The following TNPO3 variants were observed in gnomAD, a reference collection of about 807,000 sequenced individuals.
TNPO3 encodes transportin-3.
A neutral mutation model predicts 122.8 loss-of-function variants in TNPO3; 65 were observed. That is an observed-to-expected ratio of 0.53 (90% CI 0.43 to 0.65). The LOEUF is 0.65. TNPO3 is among the 30% of genes least tolerant of loss of function. TNPO3 has a pLI of 0.00. For synonymous variants in TNPO3, 372 were observed against 411.2 expected, an observed-to-expected ratio of 0.90 and a Z score of 1.15; for missense variants, 850 against 1,136.7, an observed-to-expected ratio of 0.75 and a Z score of 3.63.
intron 2 of TNPO3, among the ~76,000 whole-genome samples, chr7:129,017,397 C>CA (rs1158220139): frequency 6.6e-6 from 1 of 152,124 alleles, no homozygotes; most frequent in Non-Finnish European, 1.5e-5. Context: ...TATACTATGC[C>CA]AAAGGTCAAA....
Position 128,970,280 on chromosome 7 carries a change from A to G in TNPO3, c.2466T>C (p.Ile822=). ...GTCCAAGCTGGTTCATCACCTGTCC[A>G]ATCAGTTCTTTCCGTAATTCAAAGT... ...EEDFELRKEL[I]GQVMNQLGQQ... is the part of the protein sequence containing the mutation. Residue 822 remains isoleucine, a synonymous_variant, in exon 20 of 23, where the codon ATT becomes ATC. Transcript: ENST00000265388. The G allele has an allele frequency of 6.2e-7, 1 of 1,610,404 alleles. No homozygotes were observed. Among genetic ancestry groups the G allele is most frequent in the Non-Finnish European group, 8.5e-7 (1 of 1,178,238 alleles).
intron 1 of TNPO3, 79 bp downstream of exon 1, chr7:129,054,572 G>A: frequency 6.3e-7 from 1 of 1,585,268 alleles, no homozygotes; most frequent in South Asian, 1.1e-5. Flanking sequence ...TCAACTGCCG[G>A]GCTCAGGTTC....
chr7:129,025,535 A>G (rs1446189727), intron 1 of TNPO3, among the ~76,000 whole-genome samples: 1 of 152,148 alleles, frequency 6.6e-6, no homozygotes, highest in African/African-American at 2.4e-5. Flanking sequence ...AAATGGTACA[A>G]GAAAAGCTTC....
chr7:128,966,206 T>C (rs1276942041), intron 21 of TNPO3, among the ~76,000 whole-genome samples: 1 of 152,244 alleles, frequency 6.6e-6, no homozygotes, highest in African/African-American at 2.4e-5. Context: ...CACATATTTC[T>C]TCTTCCTTGT....
intron 5 of TNPO3, among the ~76,000 whole-genome samples, chr7:129,001,898 T>C (rs1801991055): frequency 6.6e-6 from 1 of 152,180 alleles, no homozygotes; most frequent in Non-Finnish European, 1.5e-5. Context: ...ATCTTTTCCA[T>C]CCTTTTTCTG....
At chr7:128,955,512 A>G in intron 22 of TNPO3, 127 bp from the exon 23 acceptor site, 1 of 346,358 alleles carries the variant, frequency 2.9e-6, no homozygotes, top group Non-Finnish European at 5.6e-6. Context: ...ATAAGAACTC[A>G]GAAAAAATAA....
Position 128,986,828 on chromosome 7 carries a change from G to A in TNPO3, c.1591C>T (p.Arg531Ter), listed in dbSNP as rs1376084300. 1.2e-6 allele frequency: 2 copies of A among 1,614,060 alleles called. No homozygotes were observed. The highest frequency in any genetic ancestry group is 8.5e-7 in the Non-Finnish European group (1 of 1,179,990). Residue 531 changes from arginine to a stop codon, truncating the protein, a stop_gained, in exon 12 of 23, where the codon CGA (arginine) becomes TGA (stop). Transcript: ENST00000265388. LOFTEE classifies it high-confidence loss of function. The part of the protein sequence containing the change: ...KAIHNICSVC[R>*]DHMAQHFNGL... ...TTAAAGTGCTGAGCCATGTGATCTC[G>A]GCAGACAGAGCAAATGTTATGAATG...
rs538846285 is a variant in TNPO3, at chr7:128,969,348, T to C, written c.2598+800A>G. ...ATCAGGTTGAAATGGAACATGTGTA[T>C]TGAACCAGAGAGGAATAGGTACTAT... is the stretch of plus-strand genomic sequence containing the variant. On this transcript the variant is annotated intron_variant, in intron 20 of 22. Transcript: ENST00000265388. Among the ~76,000 whole-genome samples, 7 of 152,322 alleles carry C rather than the reference T, an allele frequency of 4.6e-5. No individual in the cohort carries two copies. The South Asian group carries it at 1.4e-3, about 32-fold the overall frequency.
In TNPO3 at chr7:129,014,571, T is replaced by C. The variant is rs538645140; in HGVS notation, c.552+408A>G. Among the ~76,000 whole-genome samples, 9 of 151,934 alleles carry C rather than the reference T, an allele frequency of 5.9e-5. No homozygotes were observed. The South Asian group carries it at 1.7e-3, about 28-fold the overall frequency. ...CATAAATATGTACAACTATCATGTA[T>C]CAATTAGAAAAAAAAAGAAAGGATC... is the stretch of plus-strand genomic sequence containing the variant. On this transcript the variant is annotated intron_variant, in intron 4 of 22. Coordinates refer to ENST00000265388, the MANE Select transcript of TNPO3 (RefSeq NM_012470.4).
intron 2 of TNPO3, 61 bp downstream of exon 2, chr7:129,017,896 A>C (rs1041665010): frequency 1.9e-5 from 30 of 1,542,228 alleles, no homozygotes; most frequent in Non-Finnish European, 2.7e-5. Flanking sequence ...TACGAATTAA[A>C]ACAATCCTGA....
intron 1 of TNPO3, among the ~76,000 whole-genome samples, chr7:129,040,507 G>A (rs1019643105): frequency 3.3e-5 from 5 of 152,136 alleles, no homozygotes; most frequent in African/African-American, 4.8e-5. Context: ...ACTATGCCTT[G>A]ATGTTATTTG....
chr7:129,026,069 T>G (rs1420899714), intron 1 of TNPO3, among the ~76,000 whole-genome samples: 1 of 143,974 alleles, frequency 6.9e-6, no homozygotes, highest in African/African-American at 2.6e-5. Flanking sequence ...AAGGTTGCAG[T>G]GAGCCGAGAT....
At chr7:129,005,226 C>A (rs1802435061) in intron 4 of TNPO3, 67 bp from the exon 5 acceptor site, 3 of 1,406,384 alleles carry the variant, frequency 2.1e-6, no homozygotes, top group South Asian at 2.8e-5. Context: ...ATTTCAATCA[C>A]CTTACAAGTA....
At chr7:129,006,322 T>A (rs753047937) in intron 4 of TNPO3, among the ~76,000 whole-genome samples, 2 of 152,210 alleles carry the variant, frequency 1.3e-5, no homozygotes, top group Admixed American at 1.3e-4. Context: ...TGATACAGAA[T>A]AGATAATAAG....
At chr7:128,980,711 C>CAAA (rs1475311828) in intron 14 of TNPO3, among the ~76,000 whole-genome samples, 1 of 151,986 alleles carries the variant, frequency 6.6e-6, no homozygotes, top group African/African-American at 2.4e-5. Flanking sequence ...AACAAACAAA[C>CAAA]AAAAACAACA....
chr7:128,988,042 C>T (rs934845826), intron 11 of TNPO3, among the ~76,000 whole-genome samples: 5 of 152,052 alleles, frequency 3.3e-5, no homozygotes, highest in Non-Finnish European at 7.4e-5. Flanking sequence ...GGCGCAATCT[C>T]GGCTCACTGC....
At chr7:129,050,927 A>C (rs1472282986) in intron 1 of TNPO3, among the ~76,000 whole-genome samples, 1 of 152,234 alleles carries the variant, frequency 6.6e-6, no homozygotes, top group East Asian at 1.9e-4. Flanking sequence ...AAAGAGGCAA[A>C]GGGAATTCCC....
At chr7:129,039,262 T>C (rs558544878) in intron 1 of TNPO3, among the ~76,000 whole-genome samples, 2 of 152,202 alleles carry the variant, frequency 1.3e-5, no homozygotes, top group African/African-American at 4.8e-5. Flanking sequence ...CTTGAAAGGT[T>C]AAAAATAGAG....
Position 129,054,929 on chromosome 7 carries a change from TG to T in TNPO3, c.-160del. 1.1e-6 allele frequency: 1 copy of T among 914,296 alleles called. No individual in the cohort carries two copies. The allele number at this position is 914,296 out of a possible 1,614,324, so 56.6% of individuals were successfully genotyped here. ...CGTTACCAGGGCAGAAGGCTCTCCG[TG>T]GAAGTTGCCCCCTCGGAAACAGCTA... On this transcript the variant is annotated 5_prime_UTR_variant, in exon 1 of 23. Coordinates refer to ENST00000265388, the MANE Select transcript of TNPO3 (RefSeq NM_012470.4).
Sources: allele counts gnomAD v4.1 joint callset (sites outside exome capture counted in the v4.1 genomes callset), GRCh38; gene constraint gnomAD v4.1.1; transcripts MANE v1.5; gene names NCBI Gene and HGNC (gene_info 2026-07-23, HGNC 2026-07-21).